GRM5: variants seen among roughly 807,000 people sequenced by gnomAD.
GRM5 encodes metabotropic glutamate receptor 5.
Under a neutral mutation model 83.1 loss-of-function variants are expected in GRM5, and 19 were observed. The observed-to-expected ratio is 0.23, with a 90% confidence interval of 0.16 to 0.34. The LOEUF (loss-of-function observed/expected upper bound fraction) is 0.34. Ranked by LOEUF, GRM5 falls within the 10% of genes least tolerant of loss-of-function variation. The pLI is 1.00. For synonymous variants in GRM5, 675 were observed against 633.6 expected (o/e 1.07, Z -0.98); for missense variants, 1,160 against 1,588.3 (o/e 0.73, Z 4.58).
chr11:88,987,943 A>C (rs1450936600), intron 2 of GRM5, among the ~76,000 whole-genome samples: 3 of 150,788 alleles, frequency 2.0e-5, no homozygotes, highest in East Asian at 3.9e-4. Context: ...AACTCTAAAA[A>C]GCAGAGGGCC....
intron 3 of GRM5, among the ~76,000 whole-genome samples, chr11:88,765,728 A>T (rs2135443628): frequency 6.6e-6 from 1 of 151,930 alleles, no homozygotes; most frequent in African/African-American, 2.4e-5. Context: ...TTCTTAAATT[A>T]TACAACTCAA....
At chr11:89,063,530 C>T (rs536300143) in intron 1 of GRM5, 2 of 152,414 alleles carry the variant, frequency 1.3e-5, no homozygotes, top group East Asian at 3.9e-4. Context: ...AGCTAGCCCC[C>T]CGAAAAGTTG....
chr11:88,623,192 T>G (rs373742342), intron 4 of GRM5, among the ~76,000 whole-genome samples: 1 of 152,168 alleles, frequency 6.6e-6, no homozygotes, highest in Non-Finnish European at 1.5e-5. Flanking sequence ...TTCAAGCGAT[T>G]CTCCTGCCTC....
At position 88,590,631 on chromosome 11, in the gene GRM5, G is replaced by C. The variant is rs201181291; in HGVS notation, c.1660C>G (p.Leu554Val). 4.3e-6 allele frequency: 7 copies of C among 1,610,312 alleles called. No homozygotes were observed. The highest frequency in any genetic ancestry group is 5.1e-6 in the Non-Finnish European group (6 of 1,176,684). Residue 554 changes from leucine to valine, a missense_variant, in exon 7 of 10, where the codon CTG becomes GTG. Physicochemically the swap from Leu to Val is conservative, Grantham distance 32. Around this residue, in one of 9 missense-constraint regions of GRM5, gnomAD observed 132 missense variants for 245.5 expected, o/e 0.54. Coordinates refer to ENST00000305447, the MANE Select transcript of GRM5 (RefSeq NM_001143831.3). ...FDEYTCKACQ[L>V]GSWPTDDLTG... ...AGATCATCAGTGGGCCAAGACCCCA[G>C]TTGGCATGCCTTGCATGTGTACTCA...
intron 2 of GRM5, among the ~76,000 whole-genome samples, chr11:88,866,632 G>A (rs986832222): frequency 1.3e-5 from 2 of 151,928 alleles, no homozygotes; most frequent in African/African-American, 2.4e-5. Flanking sequence ...ATGAAGCATT[G>A]ACAATATGCA....
chr11:88,539,105 C>A (rs746639555), intron 8 of GRM5, among the ~76,000 whole-genome samples: 1 of 152,172 alleles, frequency 6.6e-6, no homozygotes, highest in African/African-American at 2.4e-5. Context: ...AAAATTTGCA[C>A]CAGCAACTAA....
chr11:88,749,793 T>G (rs549076351), intron 3 of GRM5, among the ~76,000 whole-genome samples: 1 of 152,286 alleles, frequency 6.6e-6, no homozygotes, highest in Admixed American at 6.5e-5. Flanking sequence ...ATATTCAACA[T>G]TCTTAAAGGA....
intron 6 of GRM5, 106 bp from the exon 7 acceptor site, chr11:88,590,833 A>G: frequency 1.5e-6 from 1 of 665,666 alleles, no homozygotes; most frequent in East Asian, 2.6e-5. Flanking sequence ...TTTCACATAC[A>G]TTATTTTAAA....
rs199991237 is a variant in GRM5 at position 88,849,880 on chromosome 11, A to C, written c.911+26T>G. 131 of 1,610,174 alleles carry C rather than the reference A, an allele frequency of 8.1e-5. No homozygotes were observed. The African/African-American group carries it at 1.4e-3, about 18-fold the overall frequency. Reference sequence around the variant, plus strand: ...CTGCCAAATTCCTGGTATTAACTCCATGTAAATTTTCTTATTATCACTCAC... The same window carrying C: ...CTGCCAAATTCCTGGTATTAACTCCCTGTAAATTTTCTTATTATCACTCAC... On this transcript the variant is annotated intron_variant, in intron 3 of 9. Transcript: ENST00000305447.
rs549503752 is a variant in GRM5, at chr11:88,645,011, C to A, written c.1147+8157G>T. On this transcript the variant is annotated intron_variant, in intron 4 of 9. Coordinates refer to ENST00000305447, the MANE Select transcript of GRM5 (RefSeq NM_001143831.3). ...AGTAAAGCATTAATGTAAAGAAGTT[C>A]AAAAACCACAATGGTACATGAATTG... Among the ~76,000 whole-genome samples, 13 of 152,142 alleles carry A rather than the reference C, an allele frequency of 8.5e-5. No homozygotes were observed. In the East Asian group the frequency reaches 9.7e-4, roughly 11 times the overall value.
intron 3 of GRM5, among the ~76,000 whole-genome samples, chr11:88,730,125 T>C (rs1280292815): frequency 2.0e-5 from 3 of 152,160 alleles, no homozygotes; most frequent in African/African-American, 7.2e-5. Context: ...TTTTGCAATC[T>C]ACTCATCTGA....
At chr11:88,912,362 A>G (rs2135612273) in intron 2 of GRM5, among the ~76,000 whole-genome samples, 1 of 151,666 alleles carries the variant, frequency 6.6e-6, no homozygotes, top group South Asian at 2.1e-4. Flanking sequence ...TATTTCATGG[A>G]AATAACATTA....
At chr11:88,634,530 G>A (rs1229101493) in intron 4 of GRM5, among the ~76,000 whole-genome samples, 1 of 151,904 alleles carries the variant, frequency 6.6e-6, no homozygotes. Flanking sequence ...GCATGCACAG[G>A]GTGAGGATCA....
chr11:88,724,500 T>A (rs775494893), intron 3 of GRM5, among the ~76,000 whole-genome samples: 1 of 152,174 alleles, frequency 6.6e-6, no homozygotes, highest in Non-Finnish European at 1.5e-5. Flanking sequence ...TAGGGTTGCA[T>A]CTATTTTACT....
intron 3 of GRM5, among the ~76,000 whole-genome samples, chr11:88,775,427 G>A (rs374704643): frequency 2.6e-4 from 39 of 151,904 alleles, no homozygotes; most frequent in African/African-American, 6.5e-4. Context: ...GTTTTTTTGC[G>A]TGTCTATCTC....
At chr11:88,888,195 G>T (rs1470322538) in intron 2 of GRM5, among the ~76,000 whole-genome samples, 1 of 152,182 alleles carries the variant, frequency 6.6e-6, no homozygotes, top group Non-Finnish European at 1.5e-5. Context: ...TAATGACCCT[G>T]ATAGGCATAT....
intron 8 of GRM5, among the ~76,000 whole-genome samples, chr11:88,555,650 C>T (rs1224991898): frequency 6.6e-6 from 1 of 152,128 alleles, no homozygotes; most frequent in South Asian, 2.1e-4. Context: ...GGGGGAGTCA[C>T]GCACTCTGGC....
intron 3 of GRM5, among the ~76,000 whole-genome samples, chr11:88,841,539 C>T (rs1944201332): frequency 1.3e-5 from 2 of 152,146 alleles, no homozygotes; most frequent in Admixed American, 1.3e-4. Flanking sequence ...GGTATTTCCC[C>T]AGAAGAGCAA....
intron 2 of GRM5, among the ~76,000 whole-genome samples, chr11:88,907,688 A>G (rs1945428697): frequency 1.3e-5 from 2 of 152,148 alleles, no homozygotes; most frequent in Admixed American, 1.3e-4. Flanking sequence ...GAGCTTTGGA[A>G]TCAAGCAGGA....
Sources: gnomAD v4.1 joint callset for allele counts (sites outside exome capture counted in the v4.1 genomes callset) on GRCh38, gnomAD v4.1.1 for gene constraint, gnomAD v4.1.1 regional missense constraint, MANE v1.5 for transcripts, NCBI Gene and HGNC (gene_info 2026-07-23, HGNC 2026-07-21) for gene names.